RUNDC3A: variants seen among roughly 807,000 people sequenced by gnomAD.
The protein encoded by RUNDC3A is RUN domain containing 3A.
In RUNDC3A, 28 loss-of-function variants were observed where a neutral mutation model predicts 53.9. The observed-to-expected ratio is 0.52, with a 90% CI of 0.38 to 0.71. The LOEUF is 0.71. Among genes scored for constraint, RUNDC3A ranks in the 30% least tolerant of loss-of-function variants. RUNDC3A has a pLI of 0.00. For missense variants in RUNDC3A, 491 were observed against 597.3 expected (o/e 0.82, Z 1.85); for synonymous variants, 232 against 249.4 (o/e 0.93, Z 0.66).
intron 1 of RUNDC3A, chr17:44,311,457 T>C (rs943439940): frequency 1.7e-6 from 1 of 593,288 alleles, no homozygotes. Flanking sequence ...TTTCTTTACC[T>C]GTAAAATGGG....
At chr17:44,311,646 A>T (rs1246515147) in intron 1 of RUNDC3A, 1 of 151,950 alleles carries the variant, frequency 6.6e-6, no homozygotes, top group East Asian at 1.9e-4. Flanking sequence ...ACAGCAGGGA[A>T]ATCATGGGAT....
intron 1 of RUNDC3A, chr17:44,310,962 G>A (rs1166221239): frequency 2.0e-6 from 2 of 985,406 alleles, no homozygotes; most frequent in Non-Finnish European, 2.4e-6. Flanking sequence ...AGCGGCCCTA[G>A]GCACCTACCT....
At chr17:44,314,673 C>CGGGG in intron 4 of RUNDC3A, 62 bp from the exon 5 acceptor site, 18 of 601,146 alleles carry the variant, frequency 3.0e-5, no homozygotes, top group Non-Finnish European at 4.3e-5. Flanking sequence ...AATAGCAGCT[C>CGGGG]TGGGGGGGGG....
chr17:44,315,193 C>T lies in RUNDC3A; in HGVS notation c.668C>T (p.Ala223Val). Residue 223 changes from alanine to valine, a missense_variant, in exon 7 of 11, where the codon GCC (alanine) becomes GTC (valine). This residue lies in a region of RUNDC3A where 273 missense variants were observed against 389.0 expected (regional missense o/e 0.70). Coordinates refer to ENST00000426726, the MANE Select transcript of RUNDC3A (RefSeq NM_001144825.2). This position sits in a 1 kb window ranked among gnomAD's most constrained non-coding sequence, Gnocchi z 6.1. ...ACGGACGAGGAGGAGCGGCACAGCG[C>T]CGAGAGCAGCACGAGCGAGGACAAC... Reference protein sequence around the residue: ...YLTDEEERHSAESSTSEDNSP... With the variant: ...YLTDEEERHSVESSTSEDNSP... 1 of 1,559,416 alleles carries T rather than the reference C, an allele frequency of 6.4e-7. No homozygotes were observed. The highest frequency in any genetic ancestry group is 8.7e-7 in the Non-Finnish European group (1 of 1,151,530).
intron 1 of RUNDC3A, 107 bp from the exon 2 acceptor site, chr17:44,312,473 T>C: frequency 1.5e-6 from 1 of 666,476 alleles, no homozygotes; most frequent in Non-Finnish European, 2.7e-6. Flanking sequence ...ACCACATCCA[T>C]GCCCTTCCTG....
At position 44,315,147 on chromosome 17, in the gene RUNDC3A, C is replaced by T; in HGVS notation, c.630-8C>T. The T allele has an allele frequency of 6.3e-7, 1 of 1,580,146 alleles. No homozygotes were observed. The highest frequency in any genetic ancestry group is 8.6e-7 in the Non-Finnish European group (1 of 1,162,550). Reference sequence around the variant, plus strand: ...GGACCGGCCGTGCCCACTGCTCCCTCTCCCAAGCTACGACTACCTGACGGA... The same window carrying T: ...GGACCGGCCGTGCCCACTGCTCCCTTTCCCAAGCTACGACTACCTGACGGA... On this transcript the variant is annotated splice_polypyrimidine_tract_variant and splice_region_variant and intron_variant, in intron 6 of 10. Transcript: ENST00000426726. This position sits in a 1 kb window ranked among gnomAD's most constrained non-coding sequence, Gnocchi z 6.1.
chr17:44,311,029 C>G, intron 1 of RUNDC3A: 1 of 985,434 alleles, frequency 1.0e-6, no homozygotes, highest in Non-Finnish European at 1.2e-6. Flanking sequence ...TACGATTGTT[C>G]CCATTTGCAT....
At chr17:44,314,292 G>A in intron 4 of RUNDC3A, 1 of 1,018,758 alleles carries the variant, frequency 9.8e-7, no homozygotes, top group Non-Finnish European at 1.2e-6. Context: ...GTGGGCAGGT[G>A]CATCTGAAGC....
chr17:44,317,255 C>A (rs1050178321), intron 10 of RUNDC3A: 4 of 607,312 alleles, frequency 6.6e-6, no homozygotes, highest in Non-Finnish European at 1.2e-5. Context: ...CTCCTCTGAC[C>A]ATGTGAGCTT....
At chr17:44,317,052 G>A (rs2047880798) in intron 10 of RUNDC3A, 6 of 374,132 alleles carry the variant, frequency 1.6e-5, no homozygotes, top group South Asian at 8.7e-5. Context: ...ACGGAGTTTC[G>A]CCAGGCTGGT....
intron 2 of RUNDC3A, 54 bp downstream of exon 2, chr17:44,312,749 TGGTCCCTCCCCCAGCGCCCCTCCCCCAGC>T: frequency 9.8e-6 from 4 of 407,440 alleles, no homozygotes; most frequent in South Asian, 2.4e-5. Context: ...CCTCCCCCAG[TGGTCCCTCCCCCAGCGCCCCTCCCCCAGC>T]GGTCCCTCCC....
At position 44,308,689 on chromosome 17, in the gene RUNDC3A, C is replaced by T; in HGVS notation, c.-144C>T. On this transcript the variant is annotated 5_prime_UTR_variant, in exon 1 of 11. Coordinates refer to ENST00000426726, the MANE Select transcript of RUNDC3A (RefSeq NM_001144825.2). ...GGGGAGGGAGCGAGGGGGCCGGGCA[C>T]CGGGCGCAAAGGCAGGGGGATGGCC... 2 of 478,388 alleles carry T rather than the reference C, an allele frequency of 4.2e-6. No homozygotes were observed. Among genetic ancestry groups the T allele is most frequent in the Non-Finnish European group, 7.3e-6 (2 of 275,632 alleles). 29.6% of individuals were successfully genotyped at this position (478,388 alleles called of 1,614,324 possible).
chr17:44,309,870 T>C (rs141474650), intron 1 of RUNDC3A: 2,282 of 152,962 alleles, frequency 0.015, 28 homozygotes, highest in Middle Eastern at 0.051. Flanking sequence ...GAAGCCCACC[T>C]GATGCCCTGA....
chr17:44,313,131 G>A lies in RUNDC3A; in HGVS notation c.251G>A (p.Trp84Ter). ...TGTGCCCCAGCAGGTCCAGTGAGCT[G>A]GTTCAGCTCAGACGGGCAGCGGGGC... ...KACAPAGPVSWFSSDGQRGFW... is the reference protein window; with the variant it reads ...KACAPAGPVS The change falls in exon 3 of 11, where the codon TGG becomes TAG. Residue 84 changes from tryptophan (W) to a stop codon, truncating the protein, a stop_gained. Transcript: ENST00000426726. LOFTEE classifies it high-confidence loss of function. The A allele has an allele frequency of 6.2e-7, 1 of 1,614,084 alleles. No homozygotes were observed. Among genetic ancestry groups the A allele is most frequent in the Non-Finnish European group, 8.5e-7 (1 of 1,179,912 alleles).
Position 44,315,400 on chromosome 17 carries a change from G to A in RUNDC3A, c.796-52G>A, listed in dbSNP as rs187076307. 0.057 allele frequency: 76,249 copies of A among 1,329,774 alleles called. 2,504 individuals carry two copies. Among genetic ancestry groups the A allele is most frequent in the East Asian group, 0.12 (3,831 of 31,336 alleles). The allele number at this position is 1,329,774 out of a possible 1,614,324, so 82.4% of individuals were successfully genotyped here. A position where few individuals can be genotyped will look rare whatever the true frequency, so the allele number is the denominator to read the frequency against. On this transcript the variant is annotated intron_variant, in intron 7 of 10. Coordinates refer to ENST00000426726, the MANE Select transcript of RUNDC3A (RefSeq NM_001144825.2). This position sits in a 1 kb window ranked among gnomAD's most constrained non-coding sequence, Gnocchi z 6.1. ...ATCCCGGGGCGGGGCGGGGATGGGG[G>A]CCGCGGCCGGGACGTCCTCCCAGCC...
intron 8 of RUNDC3A, 77 bp from the exon 9 acceptor site, chr17:44,316,308 C>T: frequency 7.1e-7 from 1 of 1,407,824 alleles, no homozygotes; most frequent in Non-Finnish European, 9.9e-7. Flanking sequence ...CCTGACCCCT[C>T]CCTCATCCCC....
chr17:44,314,887 C>G (rs2047825857), intron 5 of RUNDC3A, 42 bp from the exon 6 acceptor site: 2 of 1,614,002 alleles, frequency 1.2e-6, no homozygotes, highest in African/African-American at 2.7e-5. Flanking sequence ...CCTACCCCAA[C>G]CCCTCACACC....
chr17:44,316,390 G>C lies in RUNDC3A; in HGVS notation c.959G>C (p.Gly320Ala), dbSNP rs1387753792. 4 of 1,613,178 alleles carry C rather than the reference G, an allele frequency of 2.5e-6. No homozygotes were observed. In the South Asian group the frequency reaches 4.4e-5, roughly 18 times the overall value. The change falls in exon 9 of 11, where the codon GGT becomes GCT. Residue 320 changes from glycine (G) to alanine (A), a missense_variant. Coordinates refer to ENST00000426726, the MANE Select transcript of RUNDC3A (RefSeq NM_001144825.2). Reference protein sequence around the residue: ...VILELQEQLTGLIPSDHAPLA... With the variant: ...VILELQEQLTALIPSDHAPLA... ...ACTCCTCCTCCCCCTCCCAGGACAG[G>C]TCTGATCCCCAGTGACCACGCCCCT...
At chr17:44,317,352 GGTT>G (rs918662809) in intron 10 of RUNDC3A, 1 of 723,748 alleles carries the variant, frequency 1.4e-6, no homozygotes, top group African/African-American at 1.7e-5. Context: ...AGGGCTCAGT[GGTT>G]TTTTAGTGTC....
Sources: gnomAD v4.1 joint callset for allele counts on GRCh38, gnomAD v4.1.1 for gene constraint, gnomAD v4.1.1 regional missense constraint, Gnocchi (gnomAD v3.1) non-coding constraint, MANE v1.5 for transcripts, NCBI Gene and HGNC (gene_info 2026-07-23, HGNC 2026-07-21) for gene names.